The following ZNF483 variants were observed in gnomAD, a reference collection of about 807,000 sequenced individuals.
ZNF483 encodes zinc finger protein 483.
ZNF483 carries 9 observed loss-of-function variants against 28.6 expected under a neutral mutation model. The observed-to-expected ratio is 0.32, with a 90% CI of 0.19 to 0.55. ZNF483 has a LOEUF of 0.55. ZNF483 is among the 20% of genes least tolerant of loss of function. ZNF483 has a pLI of 0.93. For synonymous variants in ZNF483, 322 were observed against 306.2 expected (o/e 1.05, Z -0.54); for missense variants, 675 against 871.7 (o/e 0.77, Z 2.84).
chr9:111,527,245 G>T, intron 1 of ZNF483, 23 bp from the exon 2 acceptor site: 1 of 749,860 alleles, frequency 1.3e-6, no homozygotes, highest in East Asian at 2.7e-5. Flanking sequence ...CTTATTTAAT[G>T]CCTTAATATT....
intron 5 of ZNF483, among the ~76,000 whole-genome samples, chr9:111,540,882 G>A (rs961198917): frequency 1.2e-4 from 19 of 152,104 alleles, no homozygotes; most frequent in African/African-American, 4.6e-4. Flanking sequence ...AATACTCTGT[G>A]TTCCCAGTTG....
chr9:111,533,766 G>C lies in ZNF483; in HGVS notation c.529G>C (p.Val177Leu). Residue 177 changes from valine to leucine, a missense_variant, in exon 4 of 6, where the codon GTG (valine) becomes CTG (leucine). This residue lies in a region of ZNF483 where 525 missense variants were observed against 581.8 expected (regional missense o/e 0.90). Coordinates refer to ENST00000309235, the MANE Select transcript of ZNF483 (RefSeq NM_133464.5). The stretch of plus-strand genomic sequence containing the variant: ...ATCTATAACATTGAAGGATGTAGCT[G>C]TGAACTTTTCAAGAGGAGAGTGGAA... The part of the protein sequence containing the change: ...CESITLKDVA[V>L]NFSRGEWKKL... 6.3e-7 allele frequency: 1 copy of C among 1,586,976 alleles called. No individual in the cohort carries two copies. The highest frequency in any genetic ancestry group is 8.5e-7 in the Non-Finnish European group (1 of 1,172,362).
intron 5 of ZNF483, among the ~76,000 whole-genome samples, chr9:111,537,790 C>G (rs1369567610): frequency 6.6e-6 from 1 of 152,086 alleles, no homozygotes; most frequent in African/African-American, 2.4e-5. Flanking sequence ...CCATGTTCAG[C>G]TAATTTTTGT....
chr9:111,576,607 T>C (rs1455226126), exon 6 of ZNF483: 3 of 584,034 alleles, frequency 5.1e-6, no homozygotes, highest in Admixed American at 3.3e-5. Flanking sequence ...TTGTCTTTCA[T>C]AAAATAAAAG....
In ZNF483 at chr9:111,551,873, AAC is replaced by A. The variant is rs1200451021; in HGVS notation, c.*8705_*8706del. Among the ~76,000 whole-genome samples the A allele has an allele frequency of 2.0e-5, 3 of 152,326 alleles. No individual in the cohort carries two copies. Among genetic ancestry groups the A allele is most frequent in the African/African-American group, 7.2e-5 (3 of 41,584 alleles). ...TGAAGCAGTGCATAAATGGAAACAA[AAC>A]AGTTTATCAATACAATATATCATTC... On this transcript the variant is annotated 3_prime_UTR_variant, in exon 6 of 6. Coordinates refer to ENST00000309235, the MANE Select transcript of ZNF483 (RefSeq NM_133464.5).
rs368095127 is a variant in ZNF483, at chr9:111,570,254, G to A, written c.722-6111G>A. 126 of 1,584,542 alleles carry A rather than the reference G, an allele frequency of 8.0e-5. 1 individual carries two copies. Among genetic ancestry groups the A allele is most frequent in the South Asian group, 1.3e-4 (11 of 85,448 alleles). ...TTTGGGTGGCAGGATCCAGGGAGGTGCCCATGGTGAAACAAGCAGTACAGG... is the reference window on the plus strand; with the variant it reads ...TTTGGGTGGCAGGATCCAGGGAGGTACCCATGGTGAAACAAGCAGTACAGG... On this transcript the variant is annotated intron_variant, in intron 5 of 5. Coordinates refer to the ZNF483 transcript ENST00000358151.
Position 111,544,137 on chromosome 9 carries a change from C to G in ZNF483, c.*967C>G. 1 of 985,286 alleles carries G rather than the reference C, an allele frequency of 1.0e-6. No individual in the cohort carries two copies. Among genetic ancestry groups the G allele is most frequent in the Non-Finnish European group, 1.2e-6 (1 of 829,954 alleles). 61.0% of individuals were successfully genotyped at this position (985,286 alleles called of 1,614,324 possible). On this transcript the variant is annotated 3_prime_UTR_variant, in exon 6 of 6. Transcript: ENST00000309235. ...GAGCTTGCACCTGAGCCATCTCAGCCGTGAGAGTAACAGTCCTAGGAAAAT... is the reference window on the plus strand; with the variant it reads ...GAGCTTGCACCTGAGCCATCTCAGCGGTGAGAGTAACAGTCCTAGGAAAAT...
rs376916205 is a variant in ZNF483 at position 111,551,663 on chromosome 9, A to G, written c.*8493A>G. ...GCAATCTGCCTGTCTCGGCCTCCCAAAGTGCCGGGATTACAGGTGTGAACC... is the reference window on the plus strand; with the variant it reads ...GCAATCTGCCTGTCTCGGCCTCCCAGAGTGCCGGGATTACAGGTGTGAACC... On this transcript the variant is annotated 3_prime_UTR_variant, in exon 6 of 6. Transcript: ENST00000309235. Among the ~76,000 whole-genome samples, 8 of 152,058 alleles carry G rather than the reference A, an allele frequency of 5.3e-5. No homozygotes were observed. Among genetic ancestry groups the G allele is most frequent in the Non-Finnish European group, 7.4e-5 (5 of 68,016 alleles).
chr9:111,557,129 G>A (rs1354243068), downstream of ZNF483, among the ~76,000 whole-genome samples: 1 of 152,152 alleles, frequency 6.6e-6, no homozygotes, highest in African/African-American at 2.4e-5. Context: ...CATTTCCGCA[G>A]CCTTCTTGAA....
chr9:111,547,674 TTTG>T lies in ZNF483; in HGVS notation c.*4507_*4509del, dbSNP rs1827837168. On this transcript the variant is annotated 3_prime_UTR_variant, in exon 6 of 6. Transcript: ENST00000309235. ...GAAGTTTAATTTTTCTATTTTTTCTTTTGTTTCCTGTGCTTTTCTGGTCATACC... is the reference window on the plus strand; with the variant it reads ...GAAGTTTAATTTTTCTATTTTTTCTTTTTCCTGTGCTTTTCTGGTCATACC... 6.6e-6 allele frequency among the ~76,000 whole-genome samples: 1 copy of T among 152,198 alleles called. No homozygotes were observed. Among genetic ancestry groups the T allele is most frequent in the Admixed American group, 6.5e-5 (1 of 15,284 alleles).
intron 3 of ZNF483, among the ~76,000 whole-genome samples, chr9:111,532,126 T>C (rs1827363005): frequency 6.6e-6 from 1 of 152,092 alleles, no homozygotes; most frequent in Admixed American, 6.6e-5. Context: ...CTGGGCAACA[T>C]AGCGAGACCC....
rs749315003 is a variant in ZNF483, at chr9:111,527,513, A to G, written c.118A>G (p.Ile40Val). The change falls in exon 2 of 6, where the codon ATT becomes GTT. Residue 40 changes from isoleucine to valine, a missense_variant. Around this residue, in one of 6 missense-constraint regions of ZNF483, gnomAD observed 525 missense variants for 581.8 expected, o/e 0.90. Coordinates refer to ENST00000309235, the MANE Select transcript of ZNF483 (RefSeq NM_133464.5). Reference protein sequence around the residue: ...RVVTSGEQEAILRGNAADAES... With the variant: ...RVVTSGEQEAVLRGNAADAES... Reference sequence around the variant, plus strand: ...GGTTACTTCTGGGGAACAAGAAGCTATTTTAAGAGGAAATGCTGCTGATGC... The same window carrying G: ...GGTTACTTCTGGGGAACAAGAAGCTGTTTTAAGAGGAAATGCTGCTGATGC... The G allele has an allele frequency of 1.2e-6, 2 of 1,614,228 alleles. No homozygotes were observed. Among genetic ancestry groups the G allele is most frequent in the Admixed American group, 1.7e-5 (1 of 60,026 alleles).
chr9:111,576,301 C>A, intron 5 of ZNF483: 1 of 1,575,084 alleles, frequency 6.3e-7, no homozygotes, highest in Non-Finnish European at 8.7e-7. Flanking sequence ...TTGTAAACTA[C>A]TTGCTAAAAT....
intron 5 of ZNF483, among the ~76,000 whole-genome samples, chr9:111,541,280 G>A (rs1435896742): frequency 6.6e-6 from 1 of 151,812 alleles, no homozygotes; most frequent in African/African-American, 2.4e-5. Context: ...TAGTAGAGAT[G>A]GGGTTTCACC....
At chr9:111,571,975 T>A (rs994408668) in intron 5 of ZNF483, among the ~76,000 whole-genome samples, 8 of 152,140 alleles carry the variant, frequency 5.3e-5, no homozygotes, top group African/African-American at 1.9e-4. Flanking sequence ...CCTGGTTGAT[T>A]TTCCCAAGTG....
intron 3 of ZNF483, among the ~76,000 whole-genome samples, chr9:111,533,082 A>G (rs1404242269): frequency 6.6e-6 from 1 of 152,218 alleles, no homozygotes; most frequent in Non-Finnish European, 1.5e-5. Flanking sequence ...AGTTGCAGAT[A>G]TTATTGTACA....
rs755548931 is a variant in ZNF483, at chr9:111,542,930, T to C, written c.1995T>C (p.Cys665=). The C allele has an allele frequency of 6.2e-6, 10 of 1,613,946 alleles. No homozygotes were observed. In the South Asian group the frequency reaches 1.1e-4, roughly 18 times the overall value. The change falls in exon 6 of 6, where the codon TGT becomes TGC. Residue 665 remains cysteine, a synonymous_variant. Coordinates refer to ENST00000309235, the MANE Select transcript of ZNF483 (RefSeq NM_133464.5). The surrounding 1 kb of genome is among the most constrained non-coding windows in gnomAD (Gnocchi z 6.2). ...ATACTGGTGTAAAACCTTATAAATG[T>C]AAAGAATGTGGGAAGTCCTTCAGTC... ...RIHTGVKPYK[C]KECGKSFSQS...
At position 111,570,117 on chromosome 9, in the gene ZNF483, T is replaced by C. The variant is rs140536268; in HGVS notation, c.722-6248T>C. 59 of 1,613,990 alleles carry C rather than the reference T, an allele frequency of 3.7e-5. 1 individual carries two copies. The highest frequency in any genetic ancestry group is 4.8e-5 in the Non-Finnish European group (57 of 1,180,030). On this transcript the variant is annotated intron_variant, in intron 5 of 5. Coordinates refer to the ZNF483 transcript ENST00000358151. ...TCTAAGACCCATTTCAGCAAGTCCT[T>C]CAGAGCTTTTTGGCGGGCATCTCCT...
At chr9:111,567,043 G>A (rs1001897754) in intron 5 of ZNF483, among the ~76,000 whole-genome samples, 4 of 151,494 alleles carry the variant, frequency 2.6e-5, no homozygotes, top group East Asian at 3.9e-4. Flanking sequence ...CCATGATCAC[G>A]GCACTGCACT....
Sources: gnomAD v4.1 joint callset for allele counts (sites outside exome capture counted in the v4.1 genomes callset) on GRCh38, gnomAD v4.1.1 for gene constraint, gnomAD v4.1.1 regional missense constraint, Gnocchi (gnomAD v3.1) non-coding constraint, MANE v1.5 for transcripts, NCBI Gene and HGNC (gene_info 2026-07-23, HGNC 2026-07-21) for gene names.